Variants in STRN3 observed in about 807,000 individuals in gnomAD.
STRN3 encodes striatin-3.
STRN3 carries 29 observed loss-of-function variants against 95.6 expected under a neutral mutation model. That is an observed-to-expected ratio of 0.30 (90% confidence interval 0.23 to 0.41). The LOEUF is 0.41. STRN3 is among the 10% of genes least tolerant of loss of function. The pLI is 1.00. For missense variants in STRN3, 890 were observed against 972.1 expected, an observed-to-expected ratio of 0.92 and a Z score of 1.12; for synonymous variants, 331 against 357.6, an observed-to-expected ratio of 0.93 and a Z score of 0.84.
chr14:30,959,507 GATAATAAC>G (rs148630697), intron 1 of STRN3, among the ~76,000 whole-genome samples: 8,352 of 152,098 alleles, frequency 0.055, 298 homozygotes, highest in Non-Finnish European at 0.085. Context: ...ACCTGATAGT[GATAATAAC>G]ATAATAATGA....
chr14:30,934,101 G>C (rs571234686), intron 7 of STRN3, among the ~76,000 whole-genome samples: 1 of 152,108 alleles, frequency 6.6e-6, no homozygotes, highest in African/African-American at 2.4e-5. Context: ...CAAGGCGGGC[G>C]GATCGCGATG....
chr14:30,911,961 T>C, intron 11 of STRN3, 46 bp downstream of exon 11: 3 of 1,584,684 alleles, frequency 1.9e-6, no homozygotes, highest in Non-Finnish European at 2.6e-6. Flanking sequence ...TTACTTATAT[T>C]AGCAAAATTG....
intron 7 of STRN3, among the ~76,000 whole-genome samples, chr14:30,930,199 A>G (rs1255397279): frequency 6.6e-6 from 1 of 152,100 alleles, no homozygotes; most frequent in East Asian, 1.9e-4. Context: ...GAGGCAGCAT[A>G]AAAATAATTA....
chr14:30,933,281 A>T (rs10150497), intron 7 of STRN3, among the ~76,000 whole-genome samples: 124 of 3,130 alleles, frequency 0.04, 3 homozygotes, highest in Admixed American at 0.074. Context: ...CCTGTTTCAT[A>T]AAAAAAAAAA....
rs569564657 is a variant in STRN3, at chr14:30,908,499, C to T, written c.1721-1455G>A. On this transcript the variant is annotated intron_variant, in intron 13 of 17. Transcript: ENST00000357479. Reference sequence around the variant, plus strand: ...ATTATCCAGAGGTCCCTTCATTCTTCAGTCTTAGCTGCAGCGTCCAAACTC... The same window carrying T: ...ATTATCCAGAGGTCCCTTCATTCTTTAGTCTTAGCTGCAGCGTCCAAACTC... 3.0e-4 allele frequency among the ~76,000 whole-genome samples: 45 copies of T among 152,316 alleles called. 2 individuals carry two copies. The South Asian group carries it at 8.3e-3, about 28-fold the overall frequency.
intron 1 of STRN3, among the ~76,000 whole-genome samples, chr14:30,965,551 G>A (rs1232426076): frequency 6.6e-6 from 1 of 151,848 alleles, no homozygotes; most frequent in Non-Finnish European, 1.5e-5. Flanking sequence ...CAGGAGCGAT[G>A]GCTCACGCCT....
intron 1 of STRN3, among the ~76,000 whole-genome samples, chr14:30,966,019 A>G (rs913246688): frequency 6.6e-6 from 1 of 151,970 alleles, no homozygotes; most frequent in Admixed American, 6.6e-5. Context: ...TCCACTCTAC[A>G]TTCCAATCAC....
chr14:30,923,069 A>G (rs1037494666), intron 8 of STRN3, among the ~76,000 whole-genome samples: 34 of 152,210 alleles, frequency 2.2e-4, no homozygotes, highest in East Asian at 5.8e-4. Flanking sequence ...GAGAGAGAAT[A>G]TAACTATTTT....
intron 1 of STRN3, among the ~76,000 whole-genome samples, chr14:31,002,727 G>A (rs1464541848): frequency 6.6e-6 from 1 of 152,000 alleles, no homozygotes; most frequent in African/African-American, 2.4e-5. Flanking sequence ...GGGAAATAAG[G>A]CAGTCACAAA....
chr14:31,022,673 CA>C (rs1457887922), intron 1 of STRN3, among the ~76,000 whole-genome samples: 1 of 151,506 alleles, frequency 6.6e-6, no homozygotes, highest in Non-Finnish European at 1.5e-5. Context: ...AGAGCTAAGA[CA>C]GTATAACATA....
At chr14:30,983,977 G>A (rs1881534709) in intron 1 of STRN3, among the ~76,000 whole-genome samples, 1 of 152,010 alleles carries the variant, frequency 6.6e-6, no homozygotes, top group South Asian at 2.1e-4. Context: ...TACAGTGTCT[G>A]AGAGGCAGGT....
chr14:31,002,074 G>A (rs1882479201), intron 1 of STRN3, among the ~76,000 whole-genome samples: 1 of 149,762 alleles, frequency 6.7e-6, no homozygotes, highest in Non-Finnish European at 1.5e-5. Context: ...GCTGAGGCAG[G>A]AGAATCGCTT....
intron 8 of STRN3, among the ~76,000 whole-genome samples, chr14:30,924,287 C>CTTTTTTTTTTTTTTTTTTTTTTTTTT (rs71112354): frequency 1.3e-5 from 1 of 77,228 alleles, no homozygotes; most frequent in African/African-American, 5.4e-5. Flanking sequence ...TGCCTTAAAT[C>CTTTTTTTTTTTTTTTTTTTTTTTTTT]TTTTTTTTTT....
At chr14:31,000,250 G>A (rs1250736069) in intron 1 of STRN3, among the ~76,000 whole-genome samples, 3 of 151,280 alleles carry the variant, frequency 2.0e-5, no homozygotes, top group African/African-American at 4.9e-5. Context: ...ACGTATTTCT[G>A]GGGGGCGGGG....
intron 16 of STRN3, among the ~76,000 whole-genome samples, chr14:30,902,190 A>G (rs1896338634): frequency 7.0e-6 from 1 of 143,470 alleles, no homozygotes; most frequent in African/African-American, 2.7e-5. Flanking sequence ...AAAAAAAAAA[A>G]AAAAAAAAAA....
At chr14:30,937,968 AC>A (rs1274134474) in intron 5 of STRN3, among the ~76,000 whole-genome samples, 1 of 152,150 alleles carries the variant, frequency 6.6e-6, no homozygotes, top group Non-Finnish European at 1.5e-5. Context: ...TGAAGTCCCT[AC>A]GCACATTCTC....
intron 13 of STRN3, among the ~76,000 whole-genome samples, chr14:30,910,260 C>CCTCTCA (rs1457280015): frequency 6.6e-6 from 1 of 152,166 alleles, no homozygotes; most frequent in Non-Finnish European, 1.5e-5. Context: ...GCCCTCTCAA[C>CCTCTCA]AGTACTCTAT....
At chr14:30,946,816 A>G (rs1200295147) in intron 5 of STRN3, among the ~76,000 whole-genome samples, 3 of 151,978 alleles carry the variant, frequency 2.0e-5, no homozygotes, top group Admixed American at 1.3e-4. Flanking sequence ...CGTGTCTACT[A>G]AAAATACAAA....
chr14:30,968,809 G>C (rs1172757698), intron 1 of STRN3, among the ~76,000 whole-genome samples: 2 of 151,972 alleles, frequency 1.3e-5, no homozygotes, highest in African/African-American at 4.8e-5. Flanking sequence ...TAATTTAAAA[G>C]TAATTAAGCC....
Sources: allele counts gnomAD v4.1 joint callset (sites outside exome capture counted in the v4.1 genomes callset), GRCh38; gene constraint gnomAD v4.1.1; transcripts MANE v1.5; gene names NCBI Gene and HGNC (gene_info 2026-07-23, HGNC 2026-07-21).